ITPR2: variants seen among roughly 807,000 people sequenced by gnomAD.
ITPR2 encodes inositol 1,4,5-trisphosphate receptor type 2.
A neutral mutation model predicts 317.1 loss-of-function variants in ITPR2; 207 were observed. That is an observed-to-expected ratio of 0.65 (90% CI 0.58 to 0.73). ITPR2 has a LOEUF of 0.73. Among genes scored for constraint, ITPR2 ranks in the 30% least tolerant of loss-of-function variants. The pLI is 0.00. For synonymous variants in ITPR2, 1,156 were observed against 1,149.1 expected, an observed-to-expected ratio of 1.01 and a Z score of -0.12; for missense variants, 2,613 against 3,284.0, an observed-to-expected ratio of 0.80 and a Z score of 4.99.
At chr12:26,625,954 G>A (rs887948326) in intron 23 of ITPR2, among the ~76,000 whole-genome samples, 2 of 151,870 alleles carry the variant, frequency 1.3e-5, no homozygotes, top group Non-Finnish European at 2.9e-5. Context: ...GATAACATGG[G>A]GCTTTTTGTG....
intron 13 of ITPR2, among the ~76,000 whole-genome samples, chr12:26,680,513 T>A (rs1024932165): frequency 6.6e-6 from 1 of 152,176 alleles, no homozygotes; most frequent in African/African-American, 2.4e-5. Context: ...TAGTGTTAAA[T>A]CCCCTATTTA....
chr12:26,771,903 C>T (rs1949849990), intron 2 of ITPR2, among the ~76,000 whole-genome samples: 1 of 151,746 alleles, frequency 6.6e-6, no homozygotes, highest in Non-Finnish European at 1.5e-5. Flanking sequence ...TAATATATAC[C>T]TCATATTGCT....
chr12:26,593,415 G>C (rs1323710545), intron 32 of ITPR2, among the ~76,000 whole-genome samples: 1 of 152,136 alleles, frequency 6.6e-6, no homozygotes, highest in Non-Finnish European at 1.5e-5. Context: ...ACTTGAATTT[G>C]AAAGTTTCTG....
intron 2 of ITPR2, among the ~76,000 whole-genome samples, chr12:26,734,150 G>A (rs1021936839): frequency 3.9e-5 from 6 of 152,106 alleles, no homozygotes; most frequent in Non-Finnish European, 8.8e-5. Flanking sequence ...TATAAATGAG[G>A]AAAGAGAAAC....
chr12:26,535,720 A>G (rs986883635), intron 37 of ITPR2, among the ~76,000 whole-genome samples: 2 of 152,354 alleles, frequency 1.3e-5, no homozygotes, highest in African/African-American at 4.8e-5. Flanking sequence ...AATGTAAAGA[A>G]AAAAATCACA....
At chr12:26,452,303 T>G (rs185712649) in intron 45 of ITPR2, among the ~76,000 whole-genome samples, 62 of 152,254 alleles carry the variant, frequency 4.1e-4, no homozygotes, top group Admixed American at 1.2e-3. Context: ...AAAGAATTTT[T>G]TTTTCCTTTA....
At chr12:26,552,728 G>A (rs188571163) in intron 36 of ITPR2, among the ~76,000 whole-genome samples, 4 of 151,686 alleles carry the variant, frequency 2.6e-5, no homozygotes, top group Admixed American at 2.6e-4. Flanking sequence ...TTTAATTTTT[G>A]TGGATACATA....
chr12:26,670,721 A>T (rs1947747991), intron 13 of ITPR2, among the ~76,000 whole-genome samples: 1 of 152,236 alleles, frequency 6.6e-6, no homozygotes, highest in South Asian at 2.1e-4. Context: ...ACGAGTTGAG[A>T]GAAGAAGGCT....
intron 21 of ITPR2, among the ~76,000 whole-genome samples, chr12:26,650,979 T>C (rs529819535): frequency 4.6e-5 from 7 of 152,246 alleles, no homozygotes; most frequent in Non-Finnish European, 1.0e-4. Flanking sequence ...AGAATATTCA[T>C]ATACGCTTTC....
chr12:26,797,510 T>C (rs376470725), intron 1 of ITPR2, among the ~76,000 whole-genome samples: 17 of 152,308 alleles, frequency 1.1e-4, no homozygotes, highest in Admixed American at 5.9e-4. Context: ...ATCTGATTCA[T>C]TTACCACTAA....
intron 34 of ITPR2, among the ~76,000 whole-genome samples, chr12:26,571,308 G>A (rs1945153869): frequency 6.6e-6 from 1 of 152,142 alleles, no homozygotes; most frequent in Non-Finnish European, 1.5e-5. Flanking sequence ...TAAACTCACA[G>A]AGGATCATAG....
intron 54 of ITPR2, 57 bp downstream of exon 54, chr12:26,398,819 C>G: frequency 7.0e-7 from 1 of 1,427,938 alleles, no homozygotes; most frequent in Non-Finnish European, 9.5e-7. Flanking sequence ...CCCTCTAGCC[C>G]CTCTTTCCTG....
At position 26,342,176 on chromosome 12, in the gene ITPR2, G is replaced by C. The variant is rs922922755; in HGVS notation, c.7858-1848C>G. ...GTCTCTCTGGGATGAGCATCAGGAAGATCAAGGTTTAAGGGAGCTGGGAAG... is the reference window on the plus strand; with the variant it reads ...GTCTCTCTGGGATGAGCATCAGGAACATCAAGGTTTAAGGGAGCTGGGAAG... On this transcript the variant is annotated intron_variant, in intron 55 of 56. Coordinates refer to ENST00000381340, the MANE Select transcript of ITPR2 (RefSeq NM_002223.4). Among the ~76,000 whole-genome samples the C allele has an allele frequency of 2.0e-5, 3 of 152,230 alleles. No homozygotes were observed. The East Asian group carries it at 5.8e-4, about 29-fold the overall frequency.
chr12:26,656,611 T>C lies in ITPR2; in HGVS notation c.2193-63A>G, dbSNP rs961251664. The C allele has an allele frequency of 4.6e-6, 7 of 1,520,512 alleles. No individual in the cohort carries two copies. The African/African-American group carries it at 8.2e-5, about 18-fold the overall frequency. 94.2% of individuals were successfully genotyped at this position (1,520,512 alleles called of 1,614,324 possible). ...TCAAGGAAATCTTTAAACGTCATAG[T>C]ACCAATCAGTATCTATGTTTAAGAC... On this transcript the variant is annotated intron_variant, in intron 18 of 56. Transcript: ENST00000381340.
At chr12:26,617,554 T>A (rs1436751856) in intron 26 of ITPR2, among the ~76,000 whole-genome samples, 1 of 151,386 alleles carries the variant, frequency 6.6e-6, no homozygotes, top group African/African-American at 2.4e-5. Context: ...ATGGGACTAG[T>A]GTAACCTCAA....
At chr12:26,555,905 G>C (rs1227889987) in intron 36 of ITPR2, among the ~76,000 whole-genome samples, 1 of 152,088 alleles carries the variant, frequency 6.6e-6, no homozygotes, top group Non-Finnish European at 1.5e-5. Flanking sequence ...GAAAATAAGT[G>C]ACTTTAAACA....
rs1225446954 is a variant in ITPR2 at position 26,658,080 on chromosome 12, G to A, written c.1937C>T (p.Pro646Leu). 1 of 1,612,432 alleles carries A rather than the reference G, an allele frequency of 6.2e-7. No homozygotes were observed. Among genetic ancestry groups the A allele is most frequent in the African/African-American group, 1.3e-5 (1 of 74,976 alleles). Residue 646 changes from proline to leucine, a missense_variant, in exon 17 of 57, where the codon CCT becomes CTT. Coordinates refer to ENST00000381340, the MANE Select transcript of ITPR2 (RefSeq NM_002223.4). ...DLCVSNTTAIPVTQELICKFM... is the reference protein window; with the variant it reads ...DLCVSNTTAILVTQELICKFM... ...TTTACAGATGAGTTCTTGAGTTACA[G>A]GGATAGCAGTGGTATTAGACACACA...
chr12:26,711,177 G>T lies in ITPR2; in HGVS notation c.947C>A (p.Ala316Glu). Residue 316 changes from alanine to glutamate, a missense_variant, in exon 9 of 57, where the codon GCA becomes GAA. Around this residue, in one of 9 missense-constraint regions of ITPR2, gnomAD observed 515 missense variants for 789.4 expected, o/e 0.65. Coordinates refer to ENST00000381340, the MANE Select transcript of ITPR2 (RefSeq NM_002223.4). ...CACTTTATCCATTAGTCTTACCTCTGCAGCTAAATAGTTTCCAGTTGCAAG... is the reference window on the plus strand; with the variant it reads ...CACTTTATCCATTAGTCTTACCTCTTCAGCTAAATAGTTTCCAGTTGCAAG... ...KHLATGNYLA[A>E]ELNPDYRDAQ... 1 of 1,607,762 alleles carries T rather than the reference G, an allele frequency of 6.2e-7. No individual in the cohort carries two copies. Among genetic ancestry groups the T allele is most frequent in the South Asian group, 1.1e-5 (1 of 90,956 alleles).
chr12:26,731,190 G>A (rs1054156117), intron 2 of ITPR2, among the ~76,000 whole-genome samples: 1 of 152,164 alleles, frequency 6.6e-6, no homozygotes, highest in Admixed American at 6.5e-5. Flanking sequence ...TGAGGCAAGT[G>A]CCTGTCACAA....
Sources: gnomAD v4.1 joint callset for allele counts (sites outside exome capture counted in the v4.1 genomes callset) on GRCh38, gnomAD v4.1.1 for gene constraint, gnomAD v4.1.1 regional missense constraint, MANE v1.5 for transcripts, NCBI Gene and HGNC (gene_info 2026-07-23, HGNC 2026-07-21) for gene names.